The following MYO16 variants were observed in gnomAD, a reference collection of about 807,000 sequenced individuals.
The protein encoded by MYO16 is myosin XVI.
MYO16 carries 94 observed loss-of-function variants against 205.3 expected under a neutral mutation model. The ratio of observed to expected loss-of-function variants is 0.46; its 90% confidence interval spans 0.39 to 0.54. The LOEUF is 0.54. Among genes scored for constraint, MYO16 ranks in the 20% least tolerant of loss-of-function variants. MYO16 has a pLI of 0.00. For synonymous variants in MYO16, 988 were observed against 954.0 expected, an observed-to-expected ratio of 1.04 and a Z score of -0.66; for missense variants, 2,315 against 2,387.5, an observed-to-expected ratio of 0.97 and a Z score of 0.63.
intron 1 of MYO16, among the ~76,000 whole-genome samples, chr13:108,663,577 A>G (rs1204121547): frequency 6.6e-6 from 1 of 152,184 alleles, no homozygotes; most frequent in Non-Finnish European, 1.5e-5. Flanking sequence ...AGTTTTCCAA[A>G]TCATAAAGGA....
chr13:108,797,707 T>G (rs903515427), intron 6 of MYO16, among the ~76,000 whole-genome samples: 2 of 152,242 alleles, frequency 1.3e-5, no homozygotes, highest in Non-Finnish European at 2.9e-5. Context: ...TTATTACACA[T>G]AATGAATTAA....
intron 4 of MYO16, among the ~76,000 whole-genome samples, chr13:108,766,306 G>C (rs770572599): frequency 1.3e-5 from 2 of 152,172 alleles, no homozygotes; most frequent in African/African-American, 2.4e-5. Flanking sequence ...GATAGAGATA[G>C]CCTGTCCTGA....
At chr13:108,852,670 G>A (rs394610) in intron 10 of MYO16, among the ~76,000 whole-genome samples, 8 of 151,964 alleles carry the variant, frequency 5.3e-5, no homozygotes, top group Non-Finnish European at 7.4e-5. Flanking sequence ...CATCCCTCCC[G>A]CCAACAGCTC....
At chr13:109,129,044 T>G (rs934341138) in intron 31 of MYO16, among the ~76,000 whole-genome samples, 1 of 151,742 alleles carries the variant, frequency 6.6e-6, no homozygotes, top group Non-Finnish European at 1.5e-5. Context: ...AGTGCTGAGA[T>G]TACAGGCATG....
chr13:108,848,847 C>A (rs1476724809), intron 10 of MYO16, among the ~76,000 whole-genome samples: 1 of 152,162 alleles, frequency 6.6e-6, no homozygotes, highest in East Asian at 1.9e-4. Context: ...TGTCTAGAAT[C>A]ACAAATGTTT....
chr13:108,640,677 G>A (rs9972038), intron 1 of MYO16, among the ~76,000 whole-genome samples: 19,581 of 152,036 alleles, frequency 0.13, 1,731 homozygotes, highest in South Asian at 0.25. Context: ...AATTTGTCCT[G>A]TATTTACAGA....
chr13:108,890,418 A>G (rs56920782), intron 14 of MYO16, among the ~76,000 whole-genome samples: 1 of 152,114 alleles, frequency 6.6e-6, no homozygotes, highest in East Asian at 1.9e-4. Context: ...GCCATCCTCC[A>G]GTGCATGTCC....
At chr13:109,069,675 G>A (rs1380595142) in intron 27 of MYO16, among the ~76,000 whole-genome samples, 1 of 152,088 alleles carries the variant, frequency 6.6e-6, no homozygotes, top group East Asian at 1.9e-4. Flanking sequence ...GGTCGGGGGA[G>A]TGCTAGCTTT....
In MYO16 at chr13:108,910,016, A is replaced by G. The variant is rs780279770; in HGVS notation, c.1791A>G (p.Thr597=). The G allele has an allele frequency of 4.3e-6, 7 of 1,612,712 alleles. No individual in the cohort carries two copies. The highest frequency in any genetic ancestry group is 2.2e-5 in the East Asian group (1 of 44,818). ...TTTCCCAACCAGCCAGAATTTATAC[A>G]TATTTGCTAGAGAAATCCAGACTTG... The part of the protein sequence containing the change: ...KQQLTGARIY[T]YLLEKSRLVS... Residue 597 remains threonine, a synonymous_variant, in exon 16 of 35, where the codon ACA becomes ACG. Coordinates refer to ENST00000457511, the MANE Select transcript of MYO16 (RefSeq NM_001198950.3).
At chr13:108,909,832 C>T (rs1881173289) in intron 15 of MYO16, among the ~76,000 whole-genome samples, 171 bp from the exon 16 acceptor site, 2 of 151,940 alleles carry the variant, frequency 1.3e-5, no homozygotes, top group African/African-American at 2.4e-5. Context: ...TTTTCAGCAT[C>T]GTATTGAAAG....
At chr13:108,751,462 C>A (rs947297363) in intron 4 of MYO16, among the ~76,000 whole-genome samples, 1 of 152,028 alleles carries the variant, frequency 6.6e-6, no homozygotes, top group East Asian at 1.9e-4. Context: ...TAAAGAAATG[C>A]GGTAGAATAC....
chr13:108,685,169 CA>C (rs1051425934), intron 2 of MYO16, among the ~76,000 whole-genome samples: 11 of 152,072 alleles, frequency 7.2e-5, no homozygotes, highest in African/African-American at 2.7e-4. Context: ...ACTACAGGCG[CA>C]TGCCACCATG....
rs1594078085 is a variant in MYO16, at chr13:109,092,312, C to T, written c.3336-8473C>T. On this transcript the variant is annotated intron_variant, in intron 27 of 34. Coordinates refer to ENST00000457511, the MANE Select transcript of MYO16 (RefSeq NM_001198950.3). The stretch of plus-strand genomic sequence containing the variant: ...TTTTTAAGTAGTCAATTAAAATTCA[C>T]TATGTTTTAAAATCAACCTAAATGC... Among the ~76,000 whole-genome samples, 6 of 152,166 alleles carry T rather than the reference C, an allele frequency of 3.9e-5. No individual in the cohort carries two copies. The South Asian group carries it at 1.2e-3, about 32-fold the overall frequency.
At chr13:108,903,167 A>C (rs140703923) in intron 15 of MYO16, among the ~76,000 whole-genome samples, 1 of 152,324 alleles carries the variant, frequency 6.6e-6, no homozygotes, top group African/African-American at 2.4e-5. Flanking sequence ...TCAACTTAAT[A>C]AGGAAAGAAA....
intron 22 of MYO16, among the ~76,000 whole-genome samples, chr13:109,012,318 T>G (rs894038346): frequency 1.3e-5 from 2 of 152,064 alleles, no homozygotes; most frequent in Non-Finnish European, 2.9e-5. Flanking sequence ...GAGCAAAGCT[T>G]CATCTGTATT....
At chr13:109,158,828 T>C (rs781123860) in intron 32 of MYO16, among the ~76,000 whole-genome samples, 2 of 152,228 alleles carry the variant, frequency 1.3e-5, no homozygotes, top group African/African-American at 2.4e-5. Flanking sequence ...TTACAAAGTA[T>C]TACAAATGTT....
chr13:108,748,462 A>C lies in MYO16; in HGVS notation c.507+20879A>C, dbSNP rs189319946. On this transcript the variant is annotated intron_variant, in intron 4 of 34. Transcript: ENST00000457511. ...CTTTGGAAACTAGAGAAAGAAGAGC[A>C]ATTAAAGCCTAAATCAAACAGAAGA... Among the ~76,000 whole-genome samples the C allele has an allele frequency of 3.9e-5, 6 of 152,216 alleles. No homozygotes were observed. The East Asian group carries it at 1.2e-3, about 29-fold the overall frequency.
chr13:108,893,319 A>C (rs1880257175), intron 14 of MYO16, among the ~76,000 whole-genome samples: 2 of 152,220 alleles, frequency 1.3e-5, no homozygotes, highest in Non-Finnish European at 2.9e-5. Flanking sequence ...CAGTACAATA[A>C]ATCTTCACAA....
At chr13:108,917,302 G>T (rs2139252677) in intron 16 of MYO16, among the ~76,000 whole-genome samples, 1 of 152,272 alleles carries the variant, frequency 6.6e-6, no homozygotes, top group South Asian at 2.1e-4. Context: ...AATACATTTG[G>T]CTCCTGCGTA....
Sources: allele counts gnomAD v4.1 joint callset (sites outside exome capture counted in the v4.1 genomes callset), GRCh38; gene constraint gnomAD v4.1.1; transcripts MANE v1.5; gene names NCBI Gene and HGNC (gene_info 2026-07-23, HGNC 2026-07-21).